The following IFT122 variants were observed in gnomAD, a reference collection of about 807,000 sequenced individuals.
The protein encoded by IFT122 is intraflagellar transport protein 122 homolog.
A neutral mutation model predicts 161.6 loss-of-function variants in IFT122; 118 were observed. That is an observed-to-expected ratio of 0.73 (90% confidence interval 0.63 to 0.85). IFT122 has a LOEUF of 0.85. IFT122 is among the 40% of genes least tolerant of loss of function. IFT122 has a pLI of 0.00. For synonymous variants in IFT122, 550 were observed against 602.4 expected (o/e 0.91, Z 1.27); for missense variants, 1,381 against 1,579.6 (o/e 0.87, Z 2.13).
intron 16 of IFT122, among the ~76,000 whole-genome samples, chr3:129,489,629 G>A (rs1256109898): frequency 6.6e-6 from 1 of 152,030 alleles, no homozygotes; most frequent in African/African-American, 2.4e-5. Context: ...CACAAGGTCA[G>A]GAGATCGAGA....
chr3:129,451,794 G>T, intron 2 of IFT122, 120 bp from the exon 3 acceptor site: 2 of 870,168 alleles, frequency 2.3e-6, no homozygotes, highest in Non-Finnish European at 3.8e-6. Context: ...AGTTTTTATT[G>T]GCTACAGATT....
chr3:129,450,624 A>G (rs1250242478), intron 2 of IFT122, among the ~76,000 whole-genome samples: 1 of 148,922 alleles, frequency 6.7e-6, no homozygotes, highest in Non-Finnish European at 1.5e-5. Context: ...TCCAAACTCT[A>G]TTAGTTTTTC....
chr3:129,479,985 C>T (rs2078445027), intron 13 of IFT122, 63 bp downstream of exon 13: 2 of 1,592,932 alleles, frequency 1.3e-6, no homozygotes, highest in Non-Finnish European at 1.7e-6. Flanking sequence ...GGTGACCCGT[C>T]TAGCAATGAC....
In IFT122 at chr3:129,515,416, T is replaced by G. The variant is rs2260840; in HGVS notation, c.3154-72T>G. 96 of 1,189,080 alleles carry G rather than the reference T, an allele frequency of 8.1e-5. 1 individual carries two copies. The highest frequency in any genetic ancestry group is 5.8e-4 in the Middle Eastern group (2 of 3,478). 73.7% of individuals were successfully genotyped at this position (1,189,080 alleles called of 1,614,324 possible). A position where few individuals can be genotyped will look rare whatever the true frequency, so the allele number is the denominator to read the frequency against. On this transcript the variant is annotated intron_variant, in intron 25 of 29. Transcript: ENST00000348417. ...TCTTGGCAGCCAGGCCCCAGGGGCC[T>G]GAAGCCAGAGTCCAGGGGGAGGAGG... is the stretch of plus-strand genomic sequence containing the variant.
chr3:129,461,413 C>T (rs776661081), intron 5 of IFT122, 109 bp downstream of exon 5: 99 of 807,772 alleles, frequency 1.2e-4, no homozygotes, highest in Non-Finnish European at 1.9e-4. Context: ...GTTAATACTA[C>T]TTCTCTACCT....
At chr3:129,447,887 TC>T (rs1360693526) in intron 1 of IFT122, among the ~76,000 whole-genome samples, 1 of 152,176 alleles carries the variant, frequency 6.6e-6, no homozygotes, top group Non-Finnish European at 1.5e-5. Flanking sequence ...GAGGCCCACT[TC>T]CCGTCATGGC....
intron 5 of IFT122, among the ~76,000 whole-genome samples, chr3:129,462,543 G>A (rs988678913): frequency 6.6e-6 from 1 of 152,234 alleles, no homozygotes; most frequent in Non-Finnish European, 1.5e-5. Context: ...AAGCACTGCT[G>A]AAGGAGGCCC....
intron 15 of IFT122, among the ~76,000 whole-genome samples, chr3:129,484,872 G>A (rs560452077): frequency 5.9e-5 from 9 of 152,296 alleles, no homozygotes; most frequent in East Asian, 1.9e-4. Context: ...TTCCCCCAAC[G>A]GTAACAGTGT....
chr3:129,466,285 T>G (rs2076765817), intron 7 of IFT122, among the ~76,000 whole-genome samples: 2 of 152,108 alleles, frequency 1.3e-5, no homozygotes, highest in South Asian at 4.1e-4. Flanking sequence ...CTGAATAATT[T>G]TTTTTGGCCC....
At chr3:129,507,531 C>A in intron 22 of IFT122, 137 bp from the exon 23 acceptor site, 1 of 765,584 alleles carries the variant, frequency 1.3e-6, no homozygotes, top group East Asian at 2.5e-5. Flanking sequence ...CTTTGTCCCT[C>A]ACCCTGGCAC....
chr3:129,502,926 C>A, intron 20 of IFT122, 44 bp downstream of exon 20: 1 of 1,595,646 alleles, frequency 6.3e-7, no homozygotes, highest in Non-Finnish European at 8.5e-7. Flanking sequence ...CCACCTGAGC[C>A]CTGGGACACA....
intron 13 of IFT122, among the ~76,000 whole-genome samples, chr3:129,480,717 G>A: frequency 6.6e-6 from 1 of 152,198 alleles, no homozygotes; most frequent in Admixed American, 6.5e-5. Flanking sequence ...TGGGCCGGAG[G>A]TCGTGTTCTT....
At chr3:129,503,083 T>A (rs1309794972) in intron 20 of IFT122, among the ~76,000 whole-genome samples, 1 of 152,202 alleles carries the variant, frequency 6.6e-6, no homozygotes, top group African/African-American at 2.4e-5. Context: ...TGTCCCTTCA[T>A]TCAGTCATTG....
At chr3:129,462,569 C>T (rs1183002788) in intron 5 of IFT122, among the ~76,000 whole-genome samples, 2 of 152,244 alleles carry the variant, frequency 1.3e-5, no homozygotes, top group Admixed American at 6.5e-5. Flanking sequence ...GAAGGAGTTT[C>T]TTCCAGCTTG....
chr3:129,520,035 CAA>C, intron 29 of IFT122, 139 bp from the exon 30 acceptor site: 1 of 754,272 alleles, frequency 1.3e-6, no homozygotes, highest in Non-Finnish European at 2.3e-6. Flanking sequence ...TTCCAGCCCT[CAA>C]ACAAAGGTGC....
At chr3:129,490,193 G>A (rs1371411057) in intron 16 of IFT122, among the ~76,000 whole-genome samples, 1 of 152,138 alleles carries the variant, frequency 6.6e-6, no homozygotes, top group Non-Finnish European at 1.5e-5. Context: ...GTAAGTGTAT[G>A]TGGTATATAT....
At position 129,514,546 on chromosome 3, in the gene IFT122, G is replaced by C; in HGVS notation, c.3145G>C (p.Asp1049His). ...TLTIRAKPFH[D>H]SEELVPLCYR... is the part of the protein sequence containing the mutation. ...GACCATCCGCGCCAAGCCCTTCCAC[G>C]ACAGTGAGGTGAGGATGCAGCACCC... Residue 1049 changes from aspartate (D) to histidine (H), a missense_variant, in exon 25 of 30, where the codon GAC (aspartate) becomes CAC (histidine). Coordinates refer to ENST00000348417, the MANE Select transcript of IFT122 (RefSeq NM_052989.3). The C allele has an allele frequency of 6.2e-7, 1 of 1,614,160 alleles. No homozygotes were observed. The highest frequency in any genetic ancestry group is 8.5e-7 in the Non-Finnish European group (1 of 1,180,040).
At chr3:129,460,507 C>A (rs992429837) in intron 4 of IFT122, among the ~76,000 whole-genome samples, 1 of 151,950 alleles carries the variant, frequency 6.6e-6, no homozygotes, top group Admixed American at 6.5e-5. Context: ...CAATCCTTCT[C>A]CCTTGGCCGC....
At chr3:129,454,697 G>A (rs758537947) in intron 3 of IFT122, among the ~76,000 whole-genome samples, 3 of 152,070 alleles carry the variant, frequency 2.0e-5, no homozygotes, top group Non-Finnish European at 4.4e-5. Context: ...GGCCCAGTAG[G>A]TACAGAAGAG....
Sources: gnomAD v4.1 joint callset for allele counts (sites outside exome capture counted in the v4.1 genomes callset) on GRCh38, gnomAD v4.1.1 for gene constraint, MANE v1.5 for transcripts, NCBI Gene and HGNC (gene_info 2026-07-23, HGNC 2026-07-21) for gene names.